Variants in FAM135B observed in about 807,000 individuals in gnomAD.
FAM135B encodes protein FAM135B.
Under a neutral mutation model 127.7 loss-of-function variants are expected in FAM135B, and 43 were observed. That is an observed-to-expected ratio of 0.34 (90% CI 0.26 to 0.43). The LOEUF (loss-of-function observed/expected upper bound fraction) is 0.43. Among genes scored for constraint, FAM135B ranks in the 20% least tolerant of loss-of-function variants. The probability of loss-of-function intolerance (pLI) is 1.00; values close to 1 mark genes in which losing one functional copy is unlikely to be tolerated. For synonymous variants in FAM135B, 670 were observed against 665.1 expected (o/e 1.01, Z -0.11); for missense variants, 1,558 against 1,725.6 (o/e 0.90, Z 1.72).
intron 1 of FAM135B, among the ~76,000 whole-genome samples, chr8:138,417,687 G>A (rs1399201503): frequency 6.6e-6 from 1 of 152,184 alleles, no homozygotes; most frequent in Non-Finnish European, 1.5e-5. Context: ...CACAGTTAGT[G>A]CACACAGCCC....
At chr8:138,208,294 GAA>G (rs1563771892) in intron 7 of FAM135B, among the ~76,000 whole-genome samples, 1 of 152,128 alleles carries the variant, frequency 6.6e-6, no homozygotes, top group African/African-American at 2.4e-5. Flanking sequence ...ATTAAAAAAA[GAA>G]AAAGTTTGAA....
chr8:138,411,319 C>T lies in FAM135B; in HGVS notation c.-19-43317G>A, dbSNP rs572539587. On this transcript the variant is annotated intron_variant, in intron 1 of 19. Coordinates refer to ENST00000395297, the MANE Select transcript of FAM135B (RefSeq NM_015912.4). ...ATAGATCAATGGAACAGAACAGAGC[C>T]CTCAGAAATAATGCCACATATCTAC... 5.3e-5 allele frequency among the ~76,000 whole-genome samples: 8 copies of T among 152,050 alleles called. No homozygotes were observed. The East Asian group carries it at 1.6e-3, about 30-fold the overall frequency.
chr8:138,176,594 G>T (rs1241018544), intron 11 of FAM135B, among the ~76,000 whole-genome samples: 4 of 152,178 alleles, frequency 2.6e-5, no homozygotes, highest in Non-Finnish European at 5.9e-5. Context: ...TGAATTGTGG[G>T]GAGAAAACAG....
At chr8:138,366,536 C>T (rs1830747064) in intron 2 of FAM135B, among the ~76,000 whole-genome samples, 1 of 152,190 alleles carries the variant, frequency 6.6e-6, no homozygotes, top group Non-Finnish European at 1.5e-5. Context: ...CTGCCCAAAA[C>T]CCCTCCTCAT....
chr8:138,375,927 G>A (rs942559603), intron 1 of FAM135B, among the ~76,000 whole-genome samples: 4 of 152,180 alleles, frequency 2.6e-5, no homozygotes, highest in African/African-American at 9.6e-5. Flanking sequence ...GTGGAAGACT[G>A]TCGTCACTTA....
intron 3 of FAM135B, among the ~76,000 whole-genome samples, chr8:138,299,036 G>A (rs1233023879): frequency 1.3e-5 from 2 of 148,778 alleles, no homozygotes; most frequent in African/African-American, 5.0e-5. Flanking sequence ...CTCCAGCCTG[G>A]GCGATAGAGT....
intron 9 of FAM135B, among the ~76,000 whole-genome samples, chr8:138,193,613 T>C (rs1275378601): frequency 2.6e-5 from 4 of 152,152 alleles, no homozygotes; most frequent in Non-Finnish European, 5.9e-5. Flanking sequence ...AGTTTCCCCT[T>C]GGGATGCTGA....
intron 13 of FAM135B, among the ~76,000 whole-genome samples, chr8:138,149,578 G>A (rs757844301): frequency 6.6e-6 from 1 of 152,156 alleles, no homozygotes; most frequent in Non-Finnish European, 1.5e-5. Flanking sequence ...CTGGACTCTG[G>A]AGTCAGACTG....
intron 9 of FAM135B, among the ~76,000 whole-genome samples, chr8:138,181,057 G>A (rs936853722): frequency 4.0e-5 from 6 of 148,550 alleles, no homozygotes; most frequent in African/African-American, 1.5e-4. Flanking sequence ...TGGCCGACAT[G>A]GTAAAACCCT....
At chr8:138,279,245 G>T (rs938852333) in intron 3 of FAM135B, among the ~76,000 whole-genome samples, 1 of 152,158 alleles carries the variant, frequency 6.6e-6, no homozygotes, top group Non-Finnish European at 1.5e-5. Flanking sequence ...ACCAGCTCTT[G>T]TAGAATACTT....
intron 7 of FAM135B, among the ~76,000 whole-genome samples, chr8:138,210,073 T>C (rs1404438114): frequency 6.6e-6 from 1 of 152,176 alleles, no homozygotes; most frequent in Non-Finnish European, 1.5e-5. Flanking sequence ...ATTACTCCCA[T>C]CTCTGAGAGG....
intron 3 of FAM135B, among the ~76,000 whole-genome samples, chr8:138,266,893 T>C (rs1822983610): frequency 6.6e-6 from 1 of 150,788 alleles, no homozygotes; most frequent in Non-Finnish European, 1.5e-5. Flanking sequence ...ATTGATTACC[T>C]ATTTATAATA....
At chr8:138,208,162 G>T (rs1817846670) in intron 7 of FAM135B, among the ~76,000 whole-genome samples, 2 of 152,166 alleles carry the variant, frequency 1.3e-5, no homozygotes, top group East Asian at 3.9e-4. Context: ...AATTGAGGTT[G>T]GGGGTGGCAC....
chr8:138,194,871 T>A (rs1269109116), intron 9 of FAM135B, among the ~76,000 whole-genome samples: 1 of 152,226 alleles, frequency 6.6e-6, no homozygotes, highest in Non-Finnish European at 1.5e-5. Context: ...TGATCATCAC[T>A]GACTCTAGCC....
At chr8:138,287,337 T>C (rs538532058) in intron 3 of FAM135B, among the ~76,000 whole-genome samples, 118 of 151,838 alleles carry the variant, frequency 7.8e-4, no homozygotes, top group African/African-American at 2.8e-3. Context: ...AAATGTAAAC[T>C]AAAACAGTGC....
chr8:138,377,991 C>A (rs1831595889), intron 1 of FAM135B, among the ~76,000 whole-genome samples: 2 of 152,182 alleles, frequency 1.3e-5, no homozygotes, highest in South Asian at 2.1e-4. Flanking sequence ...AAGGGAGGAT[C>A]CCCTAAGCAC....
At chr8:138,178,476 G>A (rs531239764) in intron 10 of FAM135B, 59 bp downstream of exon 10, 3 of 1,587,656 alleles carry the variant, frequency 1.9e-6, no homozygotes, top group Non-Finnish European at 2.6e-6. Context: ...TCTCATAAAG[G>A]TTCCTCCAAA....
At chr8:138,444,002 C>G (rs1269059823) in intron 1 of FAM135B, among the ~76,000 whole-genome samples, 1 of 152,070 alleles carries the variant, frequency 6.6e-6, no homozygotes, top group Non-Finnish European at 1.5e-5. Context: ...GGTTGCAATC[C>G]TAGTCTCTGA....
At chr8:138,326,612 G>A (rs1445926710) in intron 2 of FAM135B, among the ~76,000 whole-genome samples, 2 of 152,098 alleles carry the variant, frequency 1.3e-5, no homozygotes, top group African/African-American at 2.4e-5. Flanking sequence ...TCAGAAGGTG[G>A]GAGAAGAGTT....
Sources: allele counts gnomAD v4.1 joint callset (sites outside exome capture counted in the v4.1 genomes callset), GRCh38; gene constraint gnomAD v4.1.1; transcripts MANE v1.5; gene names NCBI Gene and HGNC (gene_info 2026-07-23, HGNC 2026-07-21).